The following RARB variants were observed in gnomAD, a reference collection of about 807,000 sequenced individuals.
RARB encodes retinoic acid receptor beta.
Under a neutral mutation model 51.9 loss-of-function variants are expected in RARB, and 17 were observed. The ratio of observed to expected loss-of-function variants is 0.33; its 90% CI spans 0.22 to 0.49. RARB has a LOEUF of 0.49. Ranked by LOEUF, RARB falls within the 20% of genes least tolerant of loss-of-function variation. The pLI, the probability that RARB is intolerant of heterozygous loss-of-function variation, is 0.99. For synonymous variants in RARB, 215 were observed against 195.4 expected (o/e 1.10, Z -0.84); for missense variants, 369 against 550.8 (o/e 0.67, Z 3.30).
intron 5 of RARB, among the ~76,000 whole-genome samples, chr3:25,588,206 T>G (rs1471809893): frequency 2.0e-5 from 3 of 152,306 alleles, no homozygotes; most frequent in Non-Finnish European, 4.4e-5. Context: ...CTGTGTACAC[T>G]CATATGGGTG....
At chr3:25,591,082 G>A (rs1273941291) in intron 5 of RARB, among the ~76,000 whole-genome samples, 1 of 152,220 alleles carries the variant, frequency 6.6e-6, no homozygotes, top group Admixed American at 6.5e-5. Flanking sequence ...CAGTGGAAAT[G>A]GCTGGGCTAG....
chr3:25,390,187 G>A (rs914431509), intron 5 of RARB, among the ~76,000 whole-genome samples: 1 of 152,138 alleles, frequency 6.6e-6, no homozygotes, highest in Non-Finnish European at 1.5e-5. Context: ...AATGGAATTC[G>A]CACCCTTATA....
intron 5 of RARB, among the ~76,000 whole-genome samples, chr3:25,582,936 G>A (rs146428861): frequency 2.6e-5 from 4 of 152,310 alleles, no homozygotes; most frequent in East Asian, 3.9e-4. Flanking sequence ...TACCTAGCAC[G>A]TAGTAGGTAC....
At chr3:25,084,742 T>G (rs917353127) in intron 3 of RARB, among the ~76,000 whole-genome samples, 1 of 151,350 alleles carries the variant, frequency 6.6e-6, no homozygotes, top group South Asian at 2.1e-4. Flanking sequence ...CTGTTTGGGG[T>G]TTTTTTTAAT....
Position 25,593,674 on chromosome 3 carries a change from G to T in RARB, c.958G>T (p.Gly320Cys). 6.2e-7 allele frequency: 1 copy of T among 1,614,066 alleles called. No homozygotes were observed. The highest frequency in any genetic ancestry group is 8.5e-7 in the Non-Finnish European group (1 of 1,179,972). ...LPLEMDDTETGLLSAICLICG... is the reference protein window; with the variant it reads ...LPLEMDDTETCLLSAICLICG... ...TTTGGAAATGGATGACACAGAAACA[G>T]GCCTTCTCAGTGCCATCTGCTTAAT... Residue 320 changes from glycine (G) to cysteine (C), a missense_variant, in exon 6 of 8, where the codon GGC becomes TGC. This residue lies in a region of RARB where 76 missense variants were observed against 153.3 expected (regional missense o/e 0.50). Coordinates refer to ENST00000330688, the MANE Select transcript of RARB (RefSeq NM_000965.5).
intron 5 of RARB, among the ~76,000 whole-genome samples, chr3:25,177,040 A>T (rs1013309433): frequency 6.6e-6 from 1 of 152,220 alleles, no homozygotes; most frequent in African/African-American, 2.4e-5. Flanking sequence ...GAAGGGGCAG[A>T]AAAAGGACTA....
At chr3:24,892,848 A>G (rs561627566) in intron 2 of RARB, among the ~76,000 whole-genome samples, 1 of 152,318 alleles carries the variant, frequency 6.6e-6, no homozygotes, top group South Asian at 2.1e-4. Flanking sequence ...ATAGGTATAG[A>G]TGTTAGTGAT....
intron 1 of RARB, among the ~76,000 whole-genome samples, chr3:24,852,048 C>T (rs1351664026): frequency 6.6e-6 from 1 of 152,170 alleles, no homozygotes; most frequent in Non-Finnish European, 1.5e-5. Flanking sequence ...TTCAGATTTT[C>T]CAACCTGCTT....
intron 2 of RARB, among the ~76,000 whole-genome samples, chr3:25,026,591 A>C (rs1697754968): frequency 6.6e-6 from 1 of 151,634 alleles, no homozygotes; most frequent in South Asian, 2.1e-4. Flanking sequence ...TTTAACATTA[A>C]TTACCTCTTT....
intron 3 of RARB, among the ~76,000 whole-genome samples, chr3:25,109,283 A>C (rs1403630658): frequency 6.6e-6 from 1 of 152,074 alleles, no homozygotes; most frequent in Middle Eastern, 3.2e-3. Flanking sequence ...TAACCTTTGC[A>C]TTTTTTGGTT....
In RARB at chr3:25,080,630, C is replaced by G. The variant is rs566389783; in HGVS notation, c.-328+20454C>G. On this transcript the variant is annotated intron_variant, in intron 3 of 11. Transcript: ENST00000383772. ...TCCTACTTGGTGTGATGCTATAGAT[C>G]ATTGAGGTTTTTATTTCCATTTCCC... Among the ~76,000 whole-genome samples, 10 of 152,224 alleles carry G rather than the reference C, an allele frequency of 6.6e-5. No homozygotes were observed. In the South Asian group the frequency reaches 2.1e-3, roughly 32 times the overall value.
intron 2 of RARB, among the ~76,000 whole-genome samples, chr3:24,923,903 T>C (rs1204010877): frequency 1.3e-5 from 2 of 152,164 alleles, no homozygotes; most frequent in Non-Finnish European, 2.9e-5. Context: ...GAGGATGGTT[T>C]CTATGGTTGT....
In RARB at chr3:25,529,724, C is replaced by T. The variant is rs190995352; in HGVS notation, c.448+28401C>T. Among the ~76,000 whole-genome samples the T allele has an allele frequency of 7.9e-4, 120 of 152,172 alleles. 1 individual carries two copies. Among genetic ancestry groups the T allele is most frequent in the Middle Eastern group, 6.8e-3 (2 of 294 alleles). ...ATGACTGTATACATTTGTTAAAACT[C>T]ATAGAACTGTATGCCAAAAAGGGTG... On this transcript the variant is annotated intron_variant, in intron 3 of 7. Coordinates refer to ENST00000330688, the MANE Select transcript of RARB (RefSeq NM_000965.5).
chr3:25,459,643 G>A (rs1030389226), intron 1 of RARB, among the ~76,000 whole-genome samples: 6 of 152,214 alleles, frequency 3.9e-5, no homozygotes, highest in Non-Finnish European at 8.8e-5. Context: ...TTAGCATGGT[G>A]TGGTAGCAGG....
At chr3:25,139,239 A>G (rs1438517778) in intron 4 of RARB, among the ~76,000 whole-genome samples, 2 of 152,146 alleles carry the variant, frequency 1.3e-5, no homozygotes, top group African/African-American at 4.8e-5. Flanking sequence ...TTTTAAATCA[A>G]AAGCTAGAAA....
At chr3:25,334,746 G>A (rs1263414422) in intron 5 of RARB, among the ~76,000 whole-genome samples, 2 of 152,122 alleles carry the variant, frequency 1.3e-5, no homozygotes, top group Non-Finnish European at 2.9e-5. Context: ...AAAAAGTGGA[G>A]CGGGAAGGAA....
intron 5 of RARB, among the ~76,000 whole-genome samples, chr3:25,181,900 G>T (rs1700869228): frequency 6.6e-6 from 1 of 152,092 alleles, no homozygotes; most frequent in Non-Finnish European, 1.5e-5. Flanking sequence ...GTGTCAATCT[G>T]CATTCATAAC....
At chr3:25,090,087 A>G (rs2125316426) in intron 3 of RARB, among the ~76,000 whole-genome samples, 1 of 152,286 alleles carries the variant, frequency 6.6e-6, no homozygotes, top group Non-Finnish European at 1.5e-5. Context: ...GAATGAAAGC[A>G]CAGAATAACA....
intron 5 of RARB, among the ~76,000 whole-genome samples, chr3:25,310,184 T>TG (rs1317330050): frequency 6.6e-6 from 1 of 152,216 alleles, no homozygotes. Flanking sequence ...GCAGCACTCA[T>TG]GATGGTGGCT....
Sources: gnomAD v4.1 joint callset for allele counts (sites outside exome capture counted in the v4.1 genomes callset) on GRCh38, gnomAD v4.1.1 for gene constraint, gnomAD v4.1.1 regional missense constraint, MANE v1.5 for transcripts, NCBI Gene and HGNC (gene_info 2026-07-23, HGNC 2026-07-21) for gene names.